CASP10: variants seen among roughly 807,000 people sequenced by gnomAD.
CASP10 encodes caspase 10.
A neutral mutation model predicts 48.5 loss-of-function variants in CASP10; 41 were observed. The ratio of observed to expected loss-of-function variants is 0.85; its 90% confidence interval spans 0.66 to 1.10. The LOEUF (loss-of-function observed/expected upper bound fraction) is 1.10. Among genes scored for constraint, CASP10 ranks in the 50% least tolerant of loss-of-function variants. CASP10 has a pLI of 0.00. For synonymous variants in CASP10, 232 were observed against 238.4 expected, an observed-to-expected ratio of 0.97 and a Z score of 0.25; for missense variants, 614 against 614.5, an observed-to-expected ratio of 1.00 and a Z score of 0.01.
At position 201,220,757 on chromosome 2, in the gene CASP10, C is replaced by A. The variant is rs1945702084; in HGVS notation, c.*3016C>A. 1 of 985,168 alleles carries A rather than the reference C, an allele frequency of 1.0e-6. No individual in the cohort carries two copies. The highest frequency in any genetic ancestry group is 1.2e-6 in the Non-Finnish European group (1 of 829,930). 61.0% of individuals were successfully genotyped at this position (985,168 alleles called of 1,614,324 possible). ...ATTCTTACACATGTGTCAGGATGAT[C>A]TCCCAAAACCGTGTTCATAACAGTC... On this transcript the variant is annotated 3_prime_UTR_variant, in exon 10 of 10. Coordinates refer to ENST00000286186, the MANE Select transcript of CASP10 (RefSeq NM_032977.4).
chr2:201,199,360 G>C (rs1944927546), intron 5 of CASP10, among the ~76,000 whole-genome samples: 1 of 151,950 alleles, frequency 6.6e-6, no homozygotes, highest in Admixed American at 6.6e-5. Context: ...CTATATAAAT[G>C]CAACACAAGG....
intron 4 of CASP10, 66 bp downstream of exon 4, chr2:201,193,185 T>C: frequency 6.7e-7 from 1 of 1,493,472 alleles, no homozygotes; most frequent in South Asian, 1.1e-5. Context: ...TGGCCATGCA[T>C]GATGTTTTGA....
At chr2:201,211,397 T>G (rs1040342587) in intron 9 of CASP10, among the ~76,000 whole-genome samples, 1 of 152,142 alleles carries the variant, frequency 6.6e-6, no homozygotes, top group Admixed American at 6.5e-5. Context: ...CTTCCCTCCT[T>G]CTCTCTCTCA....
chr2:201,217,812 C>T lies in CASP10; in HGVS notation c.*71C>T. 6.2e-7 allele frequency: 1 copy of T among 1,612,782 alleles called. No individual in the cohort carries two copies. The highest frequency in any genetic ancestry group is 1.1e-5 in the South Asian group (1 of 90,846). ...ATAACCTCCAGCCTCCTGCCCAGCA[C>T]AGGAATCGGTGGTCTCCACCTGTCA... On this transcript the variant is annotated 3_prime_UTR_variant, in exon 10 of 10. Transcript: ENST00000286186.
In CASP10 at chr2:201,194,597, CAT is replaced by C. The variant is rs3835915; in HGVS notation, c.578-1244_578-1243del. 7.4e-3 allele frequency among the ~76,000 whole-genome samples: 1,126 copies of C among 152,298 alleles called. 44 individuals carry two copies. Among genetic ancestry groups the C allele is most frequent in the Admixed American group, 0.065 (992 of 15,294 alleles). On this transcript the variant is annotated intron_variant, in intron 4 of 9. Transcript: ENST00000286186. Reference sequence around the variant, plus strand: ...ATGGAAAGAATATTTGAAATCCTCACATGAGCTCTGAGTTTTTTTCTAAACAC... The same window carrying C: ...ATGGAAAGAATATTTGAAATCCTCACGAGCTCTGAGTTTTTTTCTAAACAC...
intron 1 of CASP10, among the ~76,000 whole-genome samples, chr2:201,183,576 C>G (rs1944304402): frequency 6.6e-6 from 1 of 152,166 alleles, no homozygotes; most frequent in Non-Finnish European, 1.5e-5. Flanking sequence ...CAAGAAACCA[C>G]AAGGCAAATG....
At chr2:201,208,938 A>T in intron 8 of CASP10, 132 bp from the exon 9 acceptor site, 5 of 994,566 alleles carry the variant, frequency 5.0e-6, no homozygotes, top group Non-Finnish European at 7.3e-6. Context: ...TCGGCCTTCC[A>T]AAGTGCTGAG....
At chr2:201,193,198 A>ATTTGT (rs917234774) in intron 4 of CASP10, 79 bp downstream of exon 4, 147 of 1,463,756 alleles carry the variant, frequency 1.0e-4, no homozygotes, top group South Asian at 7.9e-4. Context: ...TGTTTTGATT[A>ATTTGT]TTTGTTTTGT....
Position 201,220,642 on chromosome 2 carries a change from G to A in CASP10, c.*2901G>A, listed in dbSNP as rs933932851. 5 of 609,484 alleles carry A rather than the reference G, an allele frequency of 8.2e-6. No individual in the cohort carries two copies. Among genetic ancestry groups the A allele is most frequent in the Non-Finnish European group, 1.0e-5 (5 of 486,856 alleles). The allele number at this position is 609,484 out of a possible 1,614,324, so 37.8% of individuals were successfully genotyped here. ...AAGTGAGTGGGCTCTGACCTAACTCGGCCAGAAGCCCCTTTCAAATTTGTT... is the reference window on the plus strand; with the variant it reads ...AAGTGAGTGGGCTCTGACCTAACTCAGCCAGAAGCCCCTTTCAAATTTGTT... On this transcript the variant is annotated 3_prime_UTR_variant, in exon 10 of 10. Coordinates refer to ENST00000286186, the MANE Select transcript of CASP10 (RefSeq NM_032977.4).
In CASP10 at chr2:201,185,891, C is replaced by T. The variant is rs773803576; in HGVS notation, c.114C>T (p.Asn38=). 1 of 1,613,748 alleles carries T rather than the reference C, an allele frequency of 6.2e-7. No individual in the cohort carries two copies. The highest frequency in any genetic ancestry group is 8.5e-7 in the Non-Finnish European group (1 of 1,179,656). ...ACCTGGGGGTCCAAGATGTGGAGAA[C>T]CTCAAGTTTCTCTGCATAGGATTGG... is the stretch of plus-strand genomic sequence containing the variant. ...DSNLGVQDVE[N]LKFLCIGLVP... Residue 38 remains asparagine, a synonymous_variant, in exon 2 of 10, where the codon AAC becomes AAT. Coordinates refer to ENST00000286186, the MANE Select transcript of CASP10 (RefSeq NM_032977.4).
intron 5 of CASP10, chr2:201,200,833 C>A: frequency 1.3e-6 from 1 of 790,938 alleles, no homozygotes; most frequent in Non-Finnish European, 1.6e-6. Context: ...CTTCTTTTCT[C>A]TAGGAAAATA....
At chr2:201,200,268 C>T (rs888520282) in intron 5 of CASP10, among the ~76,000 whole-genome samples, 1 of 152,160 alleles carries the variant, frequency 6.6e-6, no homozygotes, top group Non-Finnish European at 1.5e-5. Context: ...TGTAAATATC[C>T]TGCTGCACAT....
chr2:201,215,211 G>GTTTTTTTT (rs10616229), intron 9 of CASP10, among the ~76,000 whole-genome samples: 18 of 29,912 alleles, frequency 6.0e-4, no homozygotes, highest in African/African-American at 1.9e-3. Context: ...TCTTCCCTCG[G>GTTTTTTTT]TTTTTTTTTT....
At chr2:201,187,947 G>A (rs1016678663) in intron 3 of CASP10, 148 bp downstream of exon 3, 4 of 702,492 alleles carry the variant, frequency 5.7e-6, no homozygotes, top group African/African-American at 5.3e-5. Flanking sequence ...TGCTGGATGA[G>A]CCTAGATTCT....
intron 9 of CASP10, chr2:201,214,067 A>G (rs1406038006): frequency 6.6e-6 from 1 of 152,198 alleles, no homozygotes; most frequent in South Asian, 2.1e-4. Flanking sequence ...GCCATTATAC[A>G]TGCCAATCAC....
In CASP10 at chr2:201,195,849, GAT is replaced by G. The variant is rs767731671; in HGVS notation, c.587_588del (p.Ile196SerfsTer25). The stretch of plus-strand genomic sequence containing the variant: ...CTGTGATTTTATTTTCAGCTATCCA[GAT>G]AGTGACACCTCCTGTAGACAAGGAA... Reference protein sequence around the residue: ...EKYKREKAIQIVTPPVDKEAE... With the variant: ...EKYKREKAIQXVTPPVDKEAE... On this transcript the variant is annotated frameshift_variant, in exon 5 of 10. Transcript: ENST00000286186. LOFTEE classifies it high-confidence loss of function. 4 of 1,610,868 alleles carry G rather than the reference GAT, an allele frequency of 2.5e-6. No individual in the cohort carries two copies. Among genetic ancestry groups the G allele is most frequent in the Non-Finnish European group, 3.4e-6 (4 of 1,177,174 alleles).
chr2:201,211,170 T>C (rs1945382041), intron 9 of CASP10, among the ~76,000 whole-genome samples: 1 of 152,176 alleles, frequency 6.6e-6, no homozygotes, highest in African/African-American at 2.4e-5. Context: ...AAATATGGGA[T>C]CTCACCATGT....
At chr2:201,202,750 T>C (rs1172968551) in intron 5 of CASP10, among the ~76,000 whole-genome samples, 3 of 152,156 alleles carry the variant, frequency 2.0e-5, no homozygotes, top group Non-Finnish European at 2.9e-5. Flanking sequence ...TCAGGTCCCC[T>C]TGGGGGCTTT....
chr2:201,184,107 G>A (rs1270610962), intron 1 of CASP10, among the ~76,000 whole-genome samples: 1 of 149,152 alleles, frequency 6.7e-6, no homozygotes, highest in Non-Finnish European at 1.5e-5. Flanking sequence ...TGTTGCCCAG[G>A]CTTGTCCCGA....
Sources: allele counts gnomAD v4.1 joint callset (sites outside exome capture counted in the v4.1 genomes callset), GRCh38; gene constraint gnomAD v4.1.1; transcripts MANE v1.5; gene names NCBI Gene and HGNC (gene_info 2026-07-23, HGNC 2026-07-21).